DCDC2: variants seen among roughly 807,000 people sequenced by gnomAD.
The protein encoded by DCDC2 is doublecortin domain containing 2.
A neutral mutation model predicts 50.2 loss-of-function variants in DCDC2; 40 were observed. The ratio of observed to expected loss-of-function variants is 0.80; its 90% CI spans 0.62 to 1.04. The LOEUF (loss-of-function observed/expected upper bound fraction) is 1.04. Ranked by LOEUF, DCDC2 falls within the 50% of genes least tolerant of loss-of-function variation. The pLI, the probability that DCDC2 is intolerant of heterozygous loss-of-function variation, is 0.00. For synonymous variants in DCDC2, 234 were observed against 210.6 expected (o/e 1.11, Z -0.96); for missense variants, 570 against 581.9 (o/e 0.98, Z 0.21).
chr6:24,224,995 G>A (rs1265014808), intron 7 of DCDC2, among the ~76,000 whole-genome samples: 1 of 152,190 alleles, frequency 6.6e-6, no homozygotes, highest in Non-Finnish European at 1.5e-5. Context: ...ATGTGTGGGT[G>A]CGTGTTTCCA....
At chr6:24,349,800 C>T (rs1355995557) in intron 2 of DCDC2, among the ~76,000 whole-genome samples, 1 of 152,014 alleles carries the variant, frequency 6.6e-6, no homozygotes, top group Non-Finnish European at 1.5e-5. Context: ...CTCAGGAGCA[C>T]AAAAAGAGTA....
intron 7 of DCDC2, among the ~76,000 whole-genome samples, chr6:24,255,472 C>T (rs957828887): frequency 6.6e-6 from 1 of 151,650 alleles, no homozygotes; most frequent in African/African-American, 2.4e-5. Flanking sequence ...TTAAAGACTT[C>T]TGTCCTACAC....
intron 8 of DCDC2, among the ~76,000 whole-genome samples, chr6:24,185,571 G>T (rs1206229058): frequency 6.6e-6 from 1 of 152,062 alleles, no homozygotes; most frequent in Non-Finnish European, 1.5e-5. Flanking sequence ...AAAGCAATGT[G>T]CTTTTTGGTG....
chr6:24,288,591 T>C (rs1412548845), intron 6 of DCDC2, among the ~76,000 whole-genome samples: 3 of 152,214 alleles, frequency 2.0e-5, no homozygotes, highest in African/African-American at 7.2e-5. Context: ...TAAAGTATTA[T>C]TGCCAAGATT....
At chr6:24,310,677 C>A (rs1365971220) in intron 2 of DCDC2, among the ~76,000 whole-genome samples, 1 of 152,198 alleles carries the variant, frequency 6.6e-6, no homozygotes, top group Non-Finnish European at 1.5e-5. Context: ...GTATACCCAG[C>A]TGGATATGTC....
intron 2 of DCDC2, among the ~76,000 whole-genome samples, chr6:24,324,735 T>C (rs1257242789): frequency 6.6e-6 from 1 of 152,038 alleles, no homozygotes; most frequent in East Asian, 1.9e-4. Context: ...GTTAAAAATT[T>C]AAGCAGGCAT....
At chr6:24,296,141 G>A (rs1581637590) in intron 4 of DCDC2, among the ~76,000 whole-genome samples, 1 of 152,098 alleles carries the variant, frequency 6.6e-6, no homozygotes, top group Non-Finnish European at 1.5e-5. Context: ...GTAGACCAAC[G>A]GAACCAAATA....
At chr6:24,328,086 C>T (rs910103466) in intron 2 of DCDC2, among the ~76,000 whole-genome samples, 8 of 152,098 alleles carry the variant, frequency 5.3e-5, no homozygotes, top group East Asian at 1.9e-4. Flanking sequence ...TTTCTGTGTC[C>T]GAGATATCTA....
chr6:24,208,441 G>A lies in DCDC2; in HGVS notation c.923-3339C>T, dbSNP rs371737508. 6.1e-4 allele frequency among the ~76,000 whole-genome samples: 81 copies of A among 131,804 alleles called. 1 individual carries two copies. The highest frequency in any genetic ancestry group is 9.9e-4 in the East Asian group (4 of 4,046). The allele number at this position is 131,804 out of a possible 152,430, so 86.5% of individuals were successfully genotyped here. On this transcript the variant is annotated intron_variant, in intron 7 of 9. Transcript: ENST00000378454. ...GCTGGAGTGCAGTGGCGCAATCTCC[G>A]CTCACCGCAAGCTCCGCCTCCCAGG...
At chr6:24,348,186 G>C (rs1400359261) in intron 2 of DCDC2, among the ~76,000 whole-genome samples, 2 of 152,148 alleles carry the variant, frequency 1.3e-5, no homozygotes, top group African/African-American at 4.8e-5. Flanking sequence ...GAGGCAGGAG[G>C]GTTTGTAGGT....
intron 7 of DCDC2, among the ~76,000 whole-genome samples, chr6:24,271,548 C>T (rs1763239376): frequency 6.6e-6 from 1 of 152,178 alleles, no homozygotes; most frequent in Non-Finnish European, 1.5e-5. Context: ...TCCAGCTCTG[C>T]ATTCCTCTCA....
chr6:24,367,569 T>C, the DCDC2 span, among the ~76,000 whole-genome samples: 1,613 of 152,342 alleles, frequency 0.011, 10 homozygotes, highest in South Asian at 0.021. Context: ...TAGATAGTTA[T>C]GGAACCTAAT....
chr6:24,253,315 T>C (rs1355724962), intron 7 of DCDC2, among the ~76,000 whole-genome samples: 5 of 152,214 alleles, frequency 3.3e-5, no homozygotes, highest in South Asian at 2.1e-4. Context: ...TTATAGATCC[T>C]ACAGGCATTT....
chr6:24,372,634 G>A, the DCDC2 span, among the ~76,000 whole-genome samples: 1 of 152,064 alleles, frequency 6.6e-6, no homozygotes, highest in Non-Finnish European at 1.5e-5. Flanking sequence ...GATGAAGCTG[G>A]AAACCATCAT....
the DCDC2 span, among the ~76,000 whole-genome samples, chr6:24,379,509 T>A: frequency 3.3e-5 from 5 of 152,296 alleles, 1 homozygote; most frequent in African/African-American, 9.6e-5. Flanking sequence ...TCATGCCAGT[T>A]AGAATGGCAA....
At chr6:24,375,212 G>A in the DCDC2 span, among the ~76,000 whole-genome samples, 1 of 152,154 alleles carries the variant, frequency 6.6e-6, no homozygotes. Flanking sequence ...CCCTCCCTGT[G>A]GAATGAGGTG....
intron 7 of DCDC2, among the ~76,000 whole-genome samples, chr6:24,214,198 C>T (rs562607290): frequency 6.6e-6 from 1 of 152,240 alleles, no homozygotes; most frequent in African/African-American, 2.4e-5. Flanking sequence ...GGTATTAAAT[C>T]TCATCTGTTA....
chr6:24,330,429 T>G lies in DCDC2; in HGVS notation c.348+23140A>C, dbSNP rs987244468. On this transcript the variant is annotated intron_variant, in intron 2 of 9. Coordinates refer to ENST00000378454, the MANE Select transcript of DCDC2 (RefSeq NM_016356.5). ...ACCAAAGTAAAGGGTCAGGTCACAT[T>G]GTACAAACATATTGTTTGGGCAACT... Among the ~76,000 whole-genome samples, 12 of 152,322 alleles carry G rather than the reference T, an allele frequency of 7.9e-5. No homozygotes were observed. In the South Asian group the frequency reaches 2.3e-3, roughly 29 times the overall value.
chr6:24,231,812 A>C (rs1182570988), intron 7 of DCDC2, among the ~76,000 whole-genome samples: 2 of 152,048 alleles, frequency 1.3e-5, no homozygotes, highest in African/African-American at 4.8e-5. Context: ...ATAATAATAA[A>C]AAGGCCTTCA....
Sources: allele counts gnomAD v4.1 joint callset (sites outside exome capture counted in the v4.1 genomes callset), GRCh38; gene constraint gnomAD v4.1.1; transcripts MANE v1.5; gene names NCBI Gene and HGNC (gene_info 2026-07-23, HGNC 2026-07-21).